DUOX2: variants seen among roughly 807,000 people sequenced by gnomAD.
DUOX2 encodes the protein dual oxidase 2, also known as NADH/NADPH thyroid oxidase p138-tox.
DUOX2 carries 185 observed loss-of-function variants against 183.3 expected under a neutral mutation model. The ratio of observed to expected loss-of-function variants is 1.01; its 90% CI spans 0.90 to 1.14. DUOX2 has a LOEUF of 1.14. Ranked by LOEUF, DUOX2 falls within the 50% of genes most tolerant of loss-of-function variation. DUOX2 has a pLI of 0.00. For missense variants in DUOX2, 1,999 were observed against 2,022.9 expected (o/e 0.99, Z 0.23); for synonymous variants, 788 against 812.4 (o/e 0.97, Z 0.51).
At chr15:45,109,157 C>T (rs1372075363) in intron 11 of DUOX2, 5 of 677,656 alleles carry the variant, frequency 7.4e-6, no homozygotes, top group South Asian at 5.1e-5. Context: ...CCAGTAAGAC[C>T]CTTCCTCTAA....
At chr15:45,105,928 C>T in intron 17 of DUOX2, 100 bp from the exon 18 acceptor site, 1 of 1,509,626 alleles carries the variant, frequency 6.6e-7, no homozygotes, top group Non-Finnish European at 9.0e-7. Flanking sequence ...AGAGAAAACT[C>T]CTCCCCATCC....
chr15:45,109,881 C>T lies in DUOX2; in HGVS notation c.1131+9G>A, dbSNP rs752684327. 1.2e-5 allele frequency: 20 copies of T among 1,613,880 alleles called. 1 individual carries two copies. The South Asian group carries it at 2.1e-4, about 17-fold the overall frequency. ...ACCCATCTTCCCCTGACCCTGACCCCAGTCTGACCTCCCGAATCCAGTAGT... is the reference window on the plus strand; with the variant it reads ...ACCCATCTTCCCCTGACCCTGACCCTAGTCTGACCTCCCGAATCCAGTAGT... On this transcript the variant is annotated intron_variant, in intron 10 of 33. Transcript: ENST00000389039.
chr15:45,098,439 C>G (rs1470425338), intron 26 of DUOX2, among the ~76,000 whole-genome samples: 5 of 152,184 alleles, frequency 3.3e-5, no homozygotes, highest in African/African-American at 1.2e-4. Flanking sequence ...CTGCATGTAT[C>G]TTGACATCCC....
chr15:45,109,438 C>T lies in DUOX2; in HGVS notation c.1234+86G>A, dbSNP rs1961660. On this transcript the variant is annotated intron_variant, in intron 11 of 33. Transcript: ENST00000389039. ...TGTATCTGTGTTCCTGCATCGTGAG[C>T]GCCCTAGGTCTGCTATTGATGAACC... 102,938 of 1,112,730 alleles carry T rather than the reference C, an allele frequency of 0.093. 7,649 individuals are homozygous for T. Among genetic ancestry groups the T allele is most frequent in the African/African-American group, 0.35 (23,025 of 64,962 alleles). The allele number at this position is 1,112,730 out of a possible 1,614,324, so 68.9% of individuals were successfully genotyped here.
chr15:45,094,781 G>A, intron 32 of DUOX2, 90 bp from the exon 33 acceptor site: 1 of 1,598,056 alleles, frequency 6.3e-7, no homozygotes, highest in Non-Finnish European at 8.5e-7. Context: ...CAGAGAATGG[G>A]GAGGGGAGGG....
Position 45,109,849 on chromosome 15 carries a change from G to A in DUOX2, c.1131+41C>T, listed in dbSNP as rs776093322. The A allele has an allele frequency of 2.3e-5, 37 of 1,585,054 alleles. No individual in the cohort carries two copies. The South Asian group carries it at 3.6e-4, about 16-fold the overall frequency. On this transcript the variant is annotated intron_variant, in intron 10 of 33. Transcript: ENST00000389039. ...TTTTCCCAGCCTGTGTGAAGAGACT[G>A]ACCTTGACCCATCTTCCCCTGACCC...
At chr15:45,101,629 G>T in intron 21 of DUOX2, 164 bp downstream of exon 21, 1 of 848,228 alleles carries the variant, frequency 1.2e-6, no homozygotes, top group Non-Finnish European at 1.9e-6. Context: ...TTGTGCATTA[G>T]GCAACTTGCA....
At position 45,094,517 on chromosome 15, in the gene DUOX2, G is replaced by A. The variant is rs576414826; in HGVS notation, c.4524+46C>T. On this transcript the variant is annotated intron_variant, in intron 33 of 33. Transcript: ENST00000389039. ...GGGTGCTTCAGGGCCAGGATGTCCT[G>A]GCAGGAGAAGGCCAGAGTCCCAGGG... The A allele has an allele frequency of 2.1e-5, 33 of 1,584,194 alleles. No individual in the cohort carries two copies. In the South Asian group the frequency reaches 3.8e-4, roughly 18 times the overall value.
rs1449355202 is a variant in DUOX2, at chr15:45,100,216, G to C, written c.3018C>G (p.Pro1006=). The C allele has an allele frequency of 6.2e-7, 1 of 1,613,616 alleles. No individual in the cohort carries two copies. The change falls in exon 24 of 34, where the codon CCC becomes CCG. Residue 1006 remains proline, a synonymous_variant. Transcript: ENST00000389039. ...GCGCCTCTGTGTACAGCCGGGGAGTGGGCACTGCTGCCCTATAGCAAGGGG... is the reference window on the plus strand; with the variant it reads ...GCGCCTCTGTGTACAGCCGGGGAGTCGGCACTGCTGCCCTATAGCAAGGGG... The part of the protein sequence containing the change: ...KKRFGKKAAV[P]TPRLYTEALQ...
chr15:45,101,178 A>G, intron 22 of DUOX2, 27 bp downstream of exon 22: 1 of 1,607,762 alleles, frequency 6.2e-7, no homozygotes, highest in Middle Eastern at 1.7e-4. Context: ...AGCCAGGCCA[A>G]CCTGCCAGAG....
Position 45,111,597 on chromosome 15 carries a change from G to C in DUOX2, c.514-12C>G. On this transcript the variant is annotated splice_polypyrimidine_tract_variant and intron_variant, in intron 5 of 33. Transcript: ENST00000389039. Reference sequence around the variant, plus strand: ...GTCACCTGGTTGGCCTGCGGGGCACGCGGCGGGTGAGCCCGGGTCGAGAGG... The same window carrying C: ...GTCACCTGGTTGGCCTGCGGGGCACCCGGCGGGTGAGCCCGGGTCGAGAGG... 5.9e-6 allele frequency: 9 copies of C among 1,527,414 alleles called. No homozygotes were observed. Among genetic ancestry groups the C allele is most frequent in the South Asian group, 2.4e-5 (2 of 82,720 alleles). The allele number at this position is 1,527,414 out of a possible 1,614,324, so 94.6% of individuals were successfully genotyped here. A position where few individuals can be genotyped will look rare whatever the true frequency, so the allele number is the denominator to read the frequency against.
rs952067840 is a variant in DUOX2 at position 45,106,641 on chromosome 15, A to G, written c.1832T>C (p.Val611Ala). The part of the protein sequence containing the change: ...TIIALCCLPL[V>A]SLLLSGVVAY... ...CACCACTCCAGAGAGAAGCAGACTC[A>G]CTGAAGTGGATCAGAAGGAACAGTG... The change falls in exon 16 of 34, where the codon GTG becomes GCG. Residue 611 changes from valine to alanine, a missense_variant and splice_region_variant. Val to Ala is a moderately conservative substitution (Grantham distance 64, BLOSUM62 0). Transcript: ENST00000389039. 5 of 1,613,962 alleles carry G rather than the reference A, an allele frequency of 3.1e-6. No homozygotes were observed. In the Admixed American group the frequency reaches 6.7e-5, roughly 22 times the overall value.
At position 45,113,125 on chromosome 15, in the gene DUOX2, C is replaced by A. The variant is rs77078382; in HGVS notation, c.71-49G>T. 9,156 of 1,584,248 alleles carry A rather than the reference C, an allele frequency of 5.8e-3. 515 individuals are homozygous for A. The African/African-American group carries it at 0.11, about 19-fold the overall frequency. ...CTCAGCACTACGCTCCCAGCTACCC[C>A]TCCCGAGCAACGAAGGCCTTGGCCA... On this transcript the variant is annotated intron_variant, in intron 2 of 33. Transcript: ENST00000389039.
In DUOX2 at chr15:45,094,507, AG is replaced by A. The variant is rs1390599442; in HGVS notation, c.4524+55del. On this transcript the variant is annotated intron_variant, in intron 33 of 33. Coordinates refer to ENST00000389039, the MANE Select transcript of DUOX2 (RefSeq NM_001363711.2). ...CAGAGTGGCAGGGTGCTTCAGGGCCAGGATGTCCTGGCAGGAGAAGGCCAGA... is the reference window on the plus strand; with the variant it reads ...CAGAGTGGCAGGGTGCTTCAGGGCCAGATGTCCTGGCAGGAGAAGGCCAGA... The A allele has an allele frequency of 1.9e-6, 3 of 1,575,426 alleles. No homozygotes were observed. The African/African-American group carries it at 4.1e-5, about 21-fold the overall frequency.
intron 18 of DUOX2, 30 bp from the exon 19 acceptor site, chr15:45,104,395 A>G (rs771223777): frequency 1.2e-6 from 2 of 1,607,472 alleles, no homozygotes; most frequent in Admixed American, 3.4e-5. Context: ...GAGGGAGGGA[A>G]AGAGAAGGAG....
At chr15:45,103,033 G>C (rs1482560086) in intron 20 of DUOX2, among the ~76,000 whole-genome samples, 2 of 152,132 alleles carry the variant, frequency 1.3e-5, no homozygotes, top group Non-Finnish European at 2.9e-5. Context: ...AGCCCTTGGA[G>C]GCAGGGACCC....
intron 25 of DUOX2, 71 bp downstream of exon 25, chr15:45,099,591 T>A (rs1894008598): frequency 6.3e-7 from 1 of 1,592,920 alleles, no homozygotes; most frequent in Admixed American, 1.7e-5. Context: ...AGGAGTTCCA[T>A]CTCCCCACTG....
intron 4 of DUOX2, 119 bp downstream of exon 4, chr15:45,112,435 G>GA (rs1365797458): frequency 2.8e-5 from 36 of 1,269,644 alleles, no homozygotes; most frequent in African/African-American, 4.5e-5. Flanking sequence ...GTGCTGCGTA[G>GA]AGAGGAAGTG....
In DUOX2 at chr15:45,108,779, T is replaced by A; in HGVS notation, c.1398+10A>T. ...CTTTAGCTGCCATTATTATCATTACTATTCCTGACCTGGGGGTCCACATTA... is the reference window on the plus strand; with the variant it reads ...CTTTAGCTGCCATTATTATCATTACAATTCCTGACCTGGGGGTCCACATTA... On this transcript the variant is annotated intron_variant, in intron 12 of 33. Coordinates refer to ENST00000389039, the MANE Select transcript of DUOX2 (RefSeq NM_001363711.2). 2 of 1,614,212 alleles carry A rather than the reference T, an allele frequency of 1.2e-6. No individual in the cohort carries two copies. The highest frequency in any genetic ancestry group is 1.7e-6 in the Non-Finnish European group (2 of 1,180,012).
Sources: allele counts gnomAD v4.1 joint callset (sites outside exome capture counted in the v4.1 genomes callset), GRCh38; gene constraint gnomAD v4.1.1; transcripts MANE v1.5; gene names NCBI Gene and HGNC (gene_info 2026-07-23, HGNC 2026-07-21).